Variants in UBE2D1 observed in about 807,000 individuals in gnomAD.
UBE2D1 encodes ubiquitin conjugating enzyme E2 D1, also known as ubiquitin-conjugating enzyme E2 D1.
Under a neutral mutation model 24.6 loss-of-function variants are expected in UBE2D1, and 9 were observed. The observed-to-expected ratio is 0.37, with a 90% CI of 0.22 to 0.64. The LOEUF (loss-of-function observed/expected upper bound fraction) is 0.64. Ranked by LOEUF, UBE2D1 falls within the 30% of genes least tolerant of loss-of-function variation. The pLI is 0.64. For missense variants in UBE2D1, 87 were observed against 177.1 expected, an observed-to-expected ratio of 0.49 and a Z score of 2.89; for synonymous variants, 57 against 57.6, an observed-to-expected ratio of 0.99 and a Z score of 0.04.
intron 1 of UBE2D1, among the ~76,000 whole-genome samples, chr10:58,339,865 C>G (rs1201046235): frequency 6.6e-6 from 1 of 151,792 alleles, no homozygotes; most frequent in African/African-American, 2.4e-5. Context: ...ACCAAACTGC[C>G]TATCTGAAGA....
intron 1 of UBE2D1, among the ~76,000 whole-genome samples, chr10:58,353,802 T>C (rs1840102115): frequency 6.6e-6 from 1 of 152,240 alleles, no homozygotes; most frequent in African/African-American, 2.4e-5. Context: ...GCAATCTGCA[T>C]ATCTATATAA....
rs1840301944 is a variant in UBE2D1, at chr10:58,370,323, T to TG, written c.*1561dup. On this transcript the variant is annotated 3_prime_UTR_variant, in exon 7 of 7. Transcript: ENST00000373910. ...TGTAGAAGTATGTAAGAATATGTGA[T>TG]GGGTGTAGTCATTAGCAAAGCATTT... is the stretch of plus-strand genomic sequence containing the variant. 6.6e-6 allele frequency: 1 copy of TG among 152,396 alleles called. No homozygotes were observed. Among genetic ancestry groups the TG allele is most frequent in the Admixed American group, 6.6e-5 (1 of 15,252 alleles). The allele number at this position is 152,396 out of a possible 1,614,324, so 9.4% of individuals were successfully genotyped here.
In UBE2D1 at chr10:58,370,163, T is replaced by G. The variant is rs532085335; in HGVS notation, c.*1398T>G. 1 of 152,058 alleles carries G rather than the reference T, an allele frequency of 6.6e-6. No individual in the cohort carries two copies. The highest frequency in any genetic ancestry group is 1.5e-5 in the Non-Finnish European group (1 of 67,898). The allele number at this position is 152,058 out of a possible 1,614,324, so 9.4% of individuals were successfully genotyped here. A position where few individuals can be genotyped will look rare whatever the true frequency, so the allele number is the denominator to read the frequency against. ...TAAATAAGCAGGTTATCTTTATAGA[T>G]TTTAAAGAAAACTAGAAAGTTTTAA... On this transcript the variant is annotated 3_prime_UTR_variant, in exon 7 of 7. Coordinates refer to ENST00000373910, the MANE Select transcript of UBE2D1 (RefSeq NM_003338.5).
rs1055146983 is a variant in UBE2D1, at chr10:58,335,676, G to GGCCTGCA, written c.24+456_24+462dup. 3.5e-4 allele frequency among the ~76,000 whole-genome samples: 53 copies of GGCCTGCA among 152,348 alleles called. 1 individual carries two copies. The highest frequency in any genetic ancestry group is 3.1e-3 in the Admixed American group (48 of 15,306). On this transcript the variant is annotated intron_variant, in intron 1 of 6. Coordinates refer to ENST00000373910, the MANE Select transcript of UBE2D1 (RefSeq NM_003338.5). ...CCGGGAGGGCAAGGAAGGTGGGGTGGGCCTGCAGCCTTTCTCCGCGGAGCT... is the reference window on the plus strand; with the variant it reads ...CCGGGAGGGCAAGGAAGGTGGGGTGGGCCTGCAGCCTGCAGCCTTTCTCCGCGGAGCT...
At chr10:58,335,374 C>T in intron 1 of UBE2D1, 149 bp downstream of exon 1, 1 of 985,998 alleles carries the variant, frequency 1.0e-6, no homozygotes, top group Non-Finnish European at 1.4e-6. Flanking sequence ...CGGGCCGGGC[C>T]AGCGGGCATC....
intron 1 of UBE2D1, among the ~76,000 whole-genome samples, chr10:58,345,706 A>T (rs1031526345): frequency 6.6e-6 from 1 of 152,228 alleles, no homozygotes; most frequent in Admixed American, 6.5e-5. Context: ...GGCCAAATTT[A>T]TTTGGGAAAA....
At chr10:58,348,833 G>A (rs1358585020) in intron 1 of UBE2D1, among the ~76,000 whole-genome samples, 2 of 152,150 alleles carry the variant, frequency 1.3e-5, no homozygotes, top group Admixed American at 1.3e-4. Flanking sequence ...ATTAATGCAG[G>A]CCCCTTCTCT....
At chr10:58,363,577 C>A in intron 3 of UBE2D1, 32 bp from the exon 4 acceptor site, 1 of 1,504,674 alleles carries the variant, frequency 6.6e-7, no homozygotes, top group South Asian at 1.2e-5. Context: ...ATATAGTAAT[C>A]AAATGCTGAT....
intron 1 of UBE2D1, among the ~76,000 whole-genome samples, chr10:58,335,707 G>A (rs1042063009): frequency 3.3e-5 from 5 of 152,264 alleles, no homozygotes; most frequent in Non-Finnish European, 7.3e-5. Context: ...GAGCTGTCGG[G>A]TTGGTTCTTT....
At chr10:58,363,316 T>C (rs1589003752) in intron 3 of UBE2D1, among the ~76,000 whole-genome samples, 1 of 152,192 alleles carries the variant, frequency 6.6e-6, no homozygotes, top group Admixed American at 6.5e-5. Context: ...CCAGATTTGT[T>C]TGGACAAGTC....
At position 58,361,526 on chromosome 10, in the gene UBE2D1, TGTAA is replaced by T; in HGVS notation, c.120+4_120+7del. The T allele has an allele frequency of 1.2e-6, 2 of 1,614,146 alleles. No individual in the cohort carries two copies. The highest frequency in any genetic ancestry group is 1.7e-6 in the Non-Finnish European group (2 of 1,180,016). The stretch of plus-strand genomic sequence containing the variant: ...ACTGGCAAGCCACTATTATGGGGCC[TGTAA>T]GTATGATTCATATCTATGAAATTAA... On this transcript the variant is annotated splice_donor_variant and splice_donor_region_variant and intron_variant, in intron 3 of 6. Transcript: ENST00000373910. LOFTEE classifies it high-confidence loss of function.
At chr10:58,367,760 CA>C (rs1392609053) in intron 5 of UBE2D1, among the ~76,000 whole-genome samples, 162 bp from the exon 6 acceptor site, 4 of 151,994 alleles carry the variant, frequency 2.6e-5, no homozygotes, top group Admixed American at 2.6e-4. Context: ...AATTAAAGAT[CA>C]ATTTGCTATC....
chr10:58,356,203 G>A (rs1459437594), intron 1 of UBE2D1, among the ~76,000 whole-genome samples: 1 of 152,034 alleles, frequency 6.6e-6, no homozygotes, highest in Non-Finnish European at 1.5e-5. Flanking sequence ...ATTAAATGGT[G>A]TAGAAAACAT....
rs764495438 is a variant in UBE2D1, at chr10:58,361,414, C to A, written c.88+13C>A. On this transcript the variant is annotated intron_variant, in intron 2 of 6. Coordinates refer to ENST00000373910, the MANE Select transcript of UBE2D1 (RefSeq NM_003338.5). ...GTGGGAGATGACTGTAAGCCTTGCTCTATTTCTGGGATTATGCTACCTTTA... is the reference window on the plus strand; with the variant it reads ...GTGGGAGATGACTGTAAGCCTTGCTATATTTCTGGGATTATGCTACCTTTA... 1 of 1,614,146 alleles carries A rather than the reference C, an allele frequency of 6.2e-7. No individual in the cohort carries two copies.
intron 1 of UBE2D1, among the ~76,000 whole-genome samples, chr10:58,351,328 AAC>A (rs1840074403): frequency 6.6e-6 from 1 of 152,230 alleles, no homozygotes; most frequent in African/African-American, 2.4e-5. Flanking sequence ...TAAAACACAA[AAC>A]ACATTATATG....
At chr10:58,362,474 T>C (rs1280092881) in intron 3 of UBE2D1, among the ~76,000 whole-genome samples, 4 of 152,156 alleles carry the variant, frequency 2.6e-5, no homozygotes, top group Non-Finnish European at 5.9e-5. Context: ...TAAGAATCCA[T>C]TTATTTCTGT....
At chr10:58,359,616 G>A (rs909924390) in intron 1 of UBE2D1, among the ~76,000 whole-genome samples, 5 of 152,102 alleles carry the variant, frequency 3.3e-5, no homozygotes, top group Admixed American at 6.5e-5. Context: ...ATCCACATTC[G>A]TACATTTGTG....
In UBE2D1 at chr10:58,363,589, C is replaced by T. The variant is rs1263946539; in HGVS notation, c.121-20C>T. On this transcript the variant is annotated intron_variant, in intron 3 of 6. Transcript: ENST00000373910. ...TAAATATAGTAATCAAATGCTGATG[C>T]AAATCTTTTGTAATTTCAGCCTGAT... The T allele has an allele frequency of 6.4e-7, 1 of 1,570,672 alleles. No individual in the cohort carries two copies. The highest frequency in any genetic ancestry group is 8.7e-7 in the Non-Finnish European group (1 of 1,154,048).
At chr10:58,350,824 C>A (rs1241140948) in intron 1 of UBE2D1, among the ~76,000 whole-genome samples, 2 of 152,152 alleles carry the variant, frequency 1.3e-5, no homozygotes, top group East Asian at 3.8e-4. Context: ...ATTGTGCAAA[C>A]ATCATCGAGT....
Sources: allele counts gnomAD v4.1 joint callset (sites outside exome capture counted in the v4.1 genomes callset), GRCh38; gene constraint gnomAD v4.1.1; transcripts MANE v1.5; gene names NCBI Gene and HGNC (gene_info 2026-07-23, HGNC 2026-07-21).